The following CNTN5 variants were observed in gnomAD, a reference collection of about 807,000 sequenced individuals.
CNTN5 encodes contactin-5.
A neutral mutation model predicts 129.1 loss-of-function variants in CNTN5; 77 were observed. The observed-to-expected ratio is 0.60, with a 90% CI of 0.50 to 0.72. The LOEUF (loss-of-function observed/expected upper bound fraction) is 0.72, where lower values mean the gene tolerates loss of function less well. CNTN5 is among the 30% of genes least tolerant of loss of function. The probability of loss-of-function intolerance (pLI) is 0.00; values close to 1 mark genes in which losing one functional copy is unlikely to be tolerated. For missense variants in CNTN5, 1,478 were observed against 1,328.8 expected, an observed-to-expected ratio of 1.11 and a Z score of -1.75; for synonymous variants, 509 against 465.6, an observed-to-expected ratio of 1.09 and a Z score of -1.20.
At chr11:99,797,663 A>C (rs189839130) in intron 3 of CNTN5, among the ~76,000 whole-genome samples, 2 of 152,160 alleles carry the variant, frequency 1.3e-5, no homozygotes, top group Non-Finnish European at 2.9e-5. Context: ...AAGTACTTAA[A>C]AATTTTAGAT....
intron 2 of CNTN5, among the ~76,000 whole-genome samples, chr11:99,485,188 T>C (rs1308134434): frequency 6.6e-6 from 1 of 151,718 alleles, no homozygotes; most frequent in Non-Finnish European, 1.5e-5. Context: ...ATGTACATTA[T>C]GAGTCAATGA....
chr11:99,316,298 G>A (rs2447149), intron 1 of CNTN5, among the ~76,000 whole-genome samples: 1,782 of 152,152 alleles, frequency 0.012, 11 homozygotes, highest in Middle Eastern at 0.041. Context: ...CCCATCCCTC[G>A]AAAAAGACAT....
intron 21 of CNTN5, among the ~76,000 whole-genome samples, chr11:100,333,848 A>G (rs1004842601): frequency 3.9e-5 from 6 of 152,158 alleles, no homozygotes; most frequent in Admixed American, 3.3e-4. Flanking sequence ...ATCACCTCAG[A>G]AAAACCCTTC....
chr11:100,164,811 T>A (rs1947572977), intron 13 of CNTN5, among the ~76,000 whole-genome samples: 1 of 151,890 alleles, frequency 6.6e-6, no homozygotes, highest in African/African-American at 2.4e-5. Flanking sequence ...GTTTGGGTTT[T>A]TGAATATTTT....
intron 3 of CNTN5, among the ~76,000 whole-genome samples, chr11:99,620,848 T>C (rs1198063788): frequency 6.6e-6 from 1 of 151,862 alleles, no homozygotes; most frequent in Non-Finnish European, 1.5e-5. Flanking sequence ...CATCAAAGAG[T>C]TGAAAGTAAA....
At chr11:99,575,151 A>G (rs1438945885) in intron 3 of CNTN5, among the ~76,000 whole-genome samples, 5 of 152,222 alleles carry the variant, frequency 3.3e-5, no homozygotes, top group African/African-American at 1.2e-4. Context: ...TGGGAACAAC[A>G]GACCTTAAGT....
At chr11:99,477,012 A>C (rs140137046) in intron 2 of CNTN5, among the ~76,000 whole-genome samples, 1 of 151,104 alleles carries the variant, frequency 6.6e-6, no homozygotes, top group African/African-American at 2.4e-5. Context: ...CTCCAGTCAG[A>C]CTTTCTTTAA....
intron 3 of CNTN5, among the ~76,000 whole-genome samples, chr11:99,778,154 C>A (rs1179998775): frequency 6.6e-6 from 1 of 151,752 alleles, no homozygotes; most frequent in Non-Finnish European, 1.5e-5. Flanking sequence ...AAAACAATCT[C>A]TTTCATAAAA....
At chr11:99,192,097 C>A (rs552007224) in intron 1 of CNTN5, among the ~76,000 whole-genome samples, 60 of 151,086 alleles carry the variant, frequency 4.0e-4, no homozygotes, top group African/African-American at 1.5e-3. Flanking sequence ...GATGAAGAAA[C>A]GTCATTTGTA....
intron 3 of CNTN5, among the ~76,000 whole-genome samples, chr11:99,565,336 A>G (rs1948968601): frequency 6.6e-6 from 1 of 152,182 alleles, no homozygotes; most frequent in African/African-American, 2.4e-5. Flanking sequence ...AATCTCATCA[A>G]ATGATCAGGC....
intron 7 of CNTN5, 53 bp downstream of exon 7, chr11:99,916,202 TTC>T: frequency 1.4e-6 from 2 of 1,405,124 alleles, no homozygotes; most frequent in Non-Finnish European, 2.0e-6. Context: ...TTGCTATGTG[TTC>T]ATTCTTTTAG....
At position 99,975,021 on chromosome 11, in the gene CNTN5, C is replaced by G. The variant is rs573926514; in HGVS notation, c.877+18012C>G. Among the ~76,000 whole-genome samples, 5 of 152,310 alleles carry G rather than the reference C, an allele frequency of 3.3e-5. No individual in the cohort carries two copies. In the South Asian group the frequency reaches 8.3e-4, roughly 25 times the overall value. On this transcript the variant is annotated intron_variant, in intron 8 of 24. Transcript: ENST00000524871. ...TAGTACAAATTTTACAGATGGGCAA[C>G]TTGCAAATGATTCATATGTATAAAT... is the stretch of plus-strand genomic sequence containing the variant.
chr11:99,818,899 A>G (rs1192398717), intron 3 of CNTN5, among the ~76,000 whole-genome samples: 2 of 152,136 alleles, frequency 1.3e-5, no homozygotes, highest in East Asian at 1.9e-4. Flanking sequence ...AACCTAGAAA[A>G]TAAATTTCAT....
intron 9 of CNTN5, among the ~76,000 whole-genome samples, chr11:100,054,278 A>C (rs1468497331): frequency 6.6e-6 from 1 of 151,722 alleles, no homozygotes; most frequent in Non-Finnish European, 1.5e-5. Flanking sequence ...AAGATGTGCA[A>C]AGTTACCCAG....
intron 1 of CNTN5, among the ~76,000 whole-genome samples, chr11:99,081,830 TTA>T (rs1865813330): frequency 6.6e-6 from 1 of 152,170 alleles, no homozygotes. Context: ...TTATCAATTA[TTA>T]AGAAGGAATT....
chr11:99,057,785 AGTGTGT>A (rs67721084), intron 1 of CNTN5, among the ~76,000 whole-genome samples: 12 of 144,914 alleles, frequency 8.3e-5, no homozygotes, highest in East Asian at 2.1e-4. Context: ...ATGAAACATA[AGTGTGT>A]GTGTGTGTGT....
chr11:99,234,267 C>G (rs895309048), intron 1 of CNTN5, among the ~76,000 whole-genome samples: 1 of 151,246 alleles, frequency 6.6e-6, no homozygotes, highest in African/African-American at 2.4e-5. Flanking sequence ...TGGACGGGGA[C>G]GGGGGATGAA....
chr11:99,026,005 TTGTTCTTGAGCCTTTAAG>T (rs1398735555), intron 1 of CNTN5, among the ~76,000 whole-genome samples: 1 of 151,718 alleles, frequency 6.6e-6, no homozygotes. Flanking sequence ...TGAGATACTA[TTGTTCTTGAGCCTTTAAG>T]TGTACTAAAC....
chr11:99,643,297 A>G (rs779054027), intron 3 of CNTN5, among the ~76,000 whole-genome samples: 7 of 152,164 alleles, frequency 4.6e-5, no homozygotes, highest in Non-Finnish European at 8.8e-5. Context: ...GATTCTTTAT[A>G]TAATACACAT....
Sources: gnomAD v4.1 joint callset for allele counts (sites outside exome capture counted in the v4.1 genomes callset) on GRCh38, gnomAD v4.1.1 for gene constraint, MANE v1.5 for transcripts, NCBI Gene and HGNC (gene_info 2026-07-23, HGNC 2026-07-21) for gene names.